PSG6: variants seen among roughly 807,000 people sequenced by gnomAD.
PSG6 encodes the protein pregnancy-specific beta-1-glycoprotein 6.
Under a neutral mutation model 43.3 loss-of-function variants are expected in PSG6, and 51 were observed. The ratio of observed to expected loss-of-function variants is 1.18; its 90% CI spans 0.94 to 1.49. The LOEUF (loss-of-function observed/expected upper bound fraction) is 1.49, where lower values mean the gene tolerates loss of function less well. Among genes scored for constraint, PSG6 ranks in the 40% most tolerant of loss-of-function variants. The probability of loss-of-function intolerance (pLI) is 0.00; values close to 1 mark genes in which losing one functional copy is unlikely to be tolerated. For synonymous variants in PSG6, 292 were observed against 197.6 expected, an observed-to-expected ratio of 1.48 and a Z score of -4.01; for missense variants, 770 against 522.2, an observed-to-expected ratio of 1.47 and a Z score of -4.62.
chr19:42,912,577 A>G (rs1374945630), intron 2 of PSG6, among the ~76,000 whole-genome samples: 4 of 151,810 alleles, frequency 2.6e-5, no homozygotes, highest in South Asian at 2.1e-4. Context: ...ATGCCAAATT[A>G]AAAGAAGTGA....
At chr19:42,907,530 G>C in intron 4 of PSG6, 46 bp downstream of exon 4, 1 of 1,607,486 alleles carries the variant, frequency 6.2e-7, no homozygotes, top group Non-Finnish European at 8.5e-7. Context: ...TGGTCGTTTG[G>C]AGTTAAGCTG....
At chr19:42,910,215 G>A (rs539843947) in intron 3 of PSG6, 12 of 424,070 alleles carry the variant, frequency 2.8e-5, no homozygotes, top group African/African-American at 2.0e-4. Context: ...ATTGTCAGAG[G>A]GAAGGGAAAA....
intron 4 of PSG6, 147 bp from the exon 5 acceptor site, chr19:42,907,323 T>A (rs1309853212): frequency 1.4e-6 from 2 of 1,470,518 alleles, no homozygotes; most frequent in African/African-American, 1.4e-5. Flanking sequence ...AGCCCAAGCC[T>A]GAGGTATTCC....
At chr19:42,910,938 T>G in intron 2 of PSG6, 80 bp from the exon 3 acceptor site, 1 of 1,530,900 alleles carries the variant, frequency 6.5e-7, no homozygotes, top group Non-Finnish European at 8.8e-7. Flanking sequence ...AGAGTTGGCA[T>G]TTCCAACCTC....
chr19:42,904,604 C>A (rs1281137464), intron 5 of PSG6, among the ~76,000 whole-genome samples: 1 of 151,378 alleles, frequency 6.6e-6, no homozygotes, highest in Non-Finnish European at 1.5e-5. Context: ...ATGATTATAC[C>A]TGAAATCTAC....
chr19:42,907,022 G>A lies in PSG6; in HGVS notation c.1140C>T (p.Ile380=), dbSNP rs758919678. The change falls in exon 5 of 6, where the codon ATC becomes ATT. Residue 380 remains isoleucine, a synonymous_variant. Coordinates refer to ENST00000187910, the MANE Select transcript of PSG6 (RefSeq NM_001031850.4). ...KFQLSGQKLF[I]PQITTNHSGL... is the part of the protein sequence containing the mutation. ...CGCTATGATTTGTAGTAATTTGGGG[G>A]ATAAAGAGCTTTTGTCCTGATAGCT... 6.2e-7 allele frequency: 1 copy of A among 1,612,542 alleles called. No individual in the cohort carries two copies. Among genetic ancestry groups the A allele is most frequent in the Non-Finnish European group, 8.5e-7 (1 of 1,179,164 alleles).
In PSG6 at chr19:42,907,819, A is replaced by C. The variant is rs760922776; in HGVS notation, c.742T>G (p.Leu248Val). The part of the protein sequence containing the change: ...LPMPYITINN[L>V]NPREKKDVLA... ...ACATCCTTCTTCTCCCTGGGGTTTA[A>C]GTTGTTGATGGTGATGTAAGGCATG... The change falls in exon 4 of 6, where the codon TTA becomes GTA. Residue 248 changes from leucine (L) to valine (V), a missense_variant. Leu to Val is a conservative substitution (Grantham distance 32, BLOSUM62 1). Transcript: ENST00000187910. 16 of 1,611,454 alleles carry C rather than the reference A, an allele frequency of 9.9e-6. 1 individual carries two copies. Among genetic ancestry groups the C allele is most frequent in the Non-Finnish European group, 1.4e-5 (16 of 1,179,078 alleles).
chr19:42,904,004 A>G lies in PSG6; in HGVS notation c.1241-1558T>C, dbSNP rs1972075371. On this transcript the variant is annotated intron_variant, in intron 5 of 5. Coordinates refer to ENST00000187910, the MANE Select transcript of PSG6 (RefSeq NM_001031850.4). ...AAATAATTGTATGCCAATAAATTGG[A>G]TAACCTAGATGAAATAGACAAACTC... is the stretch of plus-strand genomic sequence containing the variant. Among the ~76,000 whole-genome samples the G allele has an allele frequency of 2.0e-5, 3 of 151,818 alleles. 1 individual carries two copies. Among genetic ancestry groups the G allele is most frequent in the Non-Finnish European group, 4.4e-5 (3 of 67,936 alleles).
At chr19:42,908,241 C>A (rs939416575) in intron 3 of PSG6, among the ~76,000 whole-genome samples, 1 of 151,652 alleles carries the variant, frequency 6.6e-6, no homozygotes. Context: ...CTTTGCCCCC[C>A]TAGATGTGAT....
intron 5 of PSG6, among the ~76,000 whole-genome samples, chr19:42,904,752 A>G (rs1972086431): frequency 6.6e-6 from 1 of 151,646 alleles, no homozygotes; most frequent in African/African-American, 2.4e-5. Flanking sequence ...TTCCTATCAG[A>G]ATCTCAGTGA....
intron 5 of PSG6, chr19:42,903,514 T>G: frequency 8.4e-7 from 1 of 1,192,934 alleles, no homozygotes. Flanking sequence ...AGTTGATTCT[T>G]CAAAATAAAA....
intron 5 of PSG6, 47 bp downstream of exon 5, chr19:42,906,875 A>G (rs368854812): frequency 5.2e-5 from 84 of 1,611,500 alleles, no homozygotes; most frequent in Non-Finnish European, 6.6e-5. Context: ...AAAGCCAGAT[A>G]GACTCCACCT....
intron 3 of PSG6, 91 bp from the exon 4 acceptor site, chr19:42,907,945 C>A: frequency 6.5e-7 from 1 of 1,532,144 alleles, no homozygotes; most frequent in Admixed American, 1.8e-5. Flanking sequence ...CACCTGTCAA[C>A]CCACATGAGT....
At position 42,910,699 on chromosome 19, in the gene PSG6, T is replaced by C. The variant is rs1215485011; in HGVS notation, c.587A>G (p.Lys196Arg). ...AAATAGATAGAGGGTCCTGTTGGTT[T>C]TGGACAGCTGCAACCTGTGAGTCAT... Reference protein sequence around the residue: ...LPMTHRLQLSKTNRTLYLFGV... With the variant: ...LPMTHRLQLSRTNRTLYLFGV... Residue 196 changes from lysine to arginine, a missense_variant, in exon 3 of 6, where the codon AAA (lysine) becomes AGA (arginine). Coordinates refer to ENST00000187910, the MANE Select transcript of PSG6 (RefSeq NM_001031850.4). 1 of 1,612,248 alleles carries C rather than the reference T, an allele frequency of 6.2e-7. No homozygotes were observed. Among genetic ancestry groups the C allele is most frequent in the African/African-American group, 1.3e-5 (1 of 74,712 alleles).
At chr19:42,903,871 G>C (rs1032967267) in intron 5 of PSG6, 13 of 1,091,314 alleles carry the variant, frequency 1.2e-5, no homozygotes, top group African/African-American at 8.2e-5. Flanking sequence ...CCATCCTAGG[G>C]TGGCCTACAG....
chr19:42,903,740 C>A lies in PSG6; in HGVS notation c.1241-1294G>T, dbSNP rs560284810. On this transcript the variant is annotated intron_variant, in intron 5 of 5. Coordinates refer to ENST00000187910, the MANE Select transcript of PSG6 (RefSeq NM_001031850.4). ...GCTGTCTCTACAAAAAAAAAAAAAA[C>A]CAATTAGCTGGGCATGTTGACATGC... 3.5e-4 allele frequency: 518 copies of A among 1,492,138 alleles called. 2 individuals carry two copies. Among genetic ancestry groups the A allele is most frequent in the Middle Eastern group, 3.4e-3 (14 of 4,108 alleles). 92.4% of individuals were successfully genotyped at this position (1,492,138 alleles called of 1,614,324 possible).
chr19:42,916,010 A>C (rs1972318168), intron 2 of PSG6, 115 bp downstream of exon 2: 1 of 1,540,742 alleles, frequency 6.5e-7, no homozygotes, highest in South Asian at 1.2e-5. Flanking sequence ...AAACCCCAGC[A>C]TGGGACATAA....
At chr19:42,914,121 T>C (rs1972278695) in intron 2 of PSG6, among the ~76,000 whole-genome samples, 1 of 151,580 alleles carries the variant, frequency 6.6e-6, no homozygotes, top group Non-Finnish European at 1.5e-5. Context: ...CCTATCCCTG[T>C]CCCATGGTCT....
intron 3 of PSG6, among the ~76,000 whole-genome samples, chr19:42,909,139 A>C (rs1015206100): frequency 2.6e-5 from 4 of 151,718 alleles, no homozygotes; most frequent in African/African-American, 9.7e-5. Flanking sequence ...TGCTTCAGTG[A>C]GCATTTCTTT....
Sources: gnomAD v4.1 joint callset for allele counts (sites outside exome capture counted in the v4.1 genomes callset) on GRCh38, gnomAD v4.1.1 for gene constraint, MANE v1.5 for transcripts, NCBI Gene and HGNC (gene_info 2026-07-23, HGNC 2026-07-21) for gene names.